Variants in FRMD4B observed in about 807,000 individuals in gnomAD.
The protein encoded by FRMD4B is FERM domain containing 4B, also known as FERM domain-containing protein 4B.
In FRMD4B, 74 loss-of-function variants were observed where a neutral mutation model predicts 141.5. The ratio of observed to expected loss-of-function variants is 0.52; its 90% confidence interval spans 0.43 to 0.63. The LOEUF is 0.63. FRMD4B is among the 30% of genes least tolerant of loss of function. The pLI, the probability that FRMD4B is intolerant of heterozygous loss-of-function variation, is 0.00. For synonymous variants in FRMD4B, 506 were observed against 467.9 expected, an observed-to-expected ratio of 1.08 and a Z score of -1.05; for missense variants, 1,366 against 1,253.4, an observed-to-expected ratio of 1.09 and a Z score of -1.36.
intron 18 of FRMD4B, among the ~76,000 whole-genome samples, chr3:69,188,705 C>T (rs1159133221): frequency 1.4e-5 from 2 of 145,706 alleles, no homozygotes; most frequent in African/African-American, 5.1e-5. Context: ...TGCAGTGAGC[C>T]GAGATTGCGC....
intron 1 of FRMD4B, among the ~76,000 whole-genome samples, chr3:69,536,894 G>A (rs1195861821): frequency 6.6e-6 from 1 of 152,056 alleles, no homozygotes; most frequent in Non-Finnish European, 1.5e-5. Context: ...TTACAGGAAT[G>A]TGCCACCACA....
At chr3:69,464,540 A>G (rs1705752788) in intron 1 of FRMD4B, among the ~76,000 whole-genome samples, 1 of 152,224 alleles carries the variant, frequency 6.6e-6, no homozygotes, top group Non-Finnish European at 1.5e-5. Flanking sequence ...TGTGATACTC[A>G]GTATGCAATG....
At chr3:69,501,496 G>A (rs1029354257) in intron 1 of FRMD4B, among the ~76,000 whole-genome samples, 3 of 152,152 alleles carry the variant, frequency 2.0e-5, no homozygotes, top group Non-Finnish European at 4.4e-5. Context: ...TGCCTGACAT[G>A]AGGCAAGCAG....
chr3:69,205,814 G>T (rs2093019555), intron 11 of FRMD4B, among the ~76,000 whole-genome samples: 1 of 152,156 alleles, frequency 6.6e-6, no homozygotes, highest in African/African-American at 2.4e-5. Flanking sequence ...GGCTTTGGTA[G>T]GTGAAATGTG....
intron 7 of FRMD4B, among the ~76,000 whole-genome samples, chr3:69,236,273 G>C (rs2093345366): frequency 6.7e-6 from 1 of 150,280 alleles, no homozygotes; most frequent in African/African-American, 2.5e-5. Flanking sequence ...CTGTTGCCCA[G>C]GCTGGAGTGC....
At chr3:69,299,438 G>C (rs1701139157) in intron 4 of FRMD4B, among the ~76,000 whole-genome samples, 1 of 152,102 alleles carries the variant, frequency 6.6e-6, no homozygotes, top group Non-Finnish European at 1.5e-5. Context: ...TTAAAGTAAT[G>C]ATTTATGAGA....
intron 1 of FRMD4B, among the ~76,000 whole-genome samples, chr3:69,531,310 C>T (rs1329425300): frequency 6.6e-6 from 1 of 151,982 alleles, no homozygotes; most frequent in Admixed American, 6.6e-5. Context: ...CTGTCAATAA[C>T]AGGATTACGG....
intron 1 of FRMD4B, among the ~76,000 whole-genome samples, chr3:69,350,361 T>C (rs1188520743): frequency 1.3e-5 from 2 of 152,112 alleles, no homozygotes; most frequent in African/African-American, 4.8e-5. Context: ...TAGGAACACT[T>C]TGACACTGTT....
intron 7 of FRMD4B, chr3:69,228,594 G>T (rs1186577473): frequency 1.7e-5 from 7 of 414,794 alleles, no homozygotes; most frequent in Non-Finnish European, 3.4e-5. Flanking sequence ...CAACACTTTG[G>T]GAGACTGAGC....
intron 1 of FRMD4B, among the ~76,000 whole-genome samples, chr3:69,451,703 T>C (rs185073847): frequency 6.6e-6 from 1 of 152,294 alleles, no homozygotes; most frequent in East Asian, 1.9e-4. Context: ...TTACTTCTTA[T>C]AACCACTAGG....
At chr3:69,491,212 G>C (rs1280460369) in intron 1 of FRMD4B, among the ~76,000 whole-genome samples, 6 of 152,180 alleles carry the variant, frequency 3.9e-5, no homozygotes, top group African/African-American at 1.4e-4. Context: ...AAGCCATGCA[G>C]CGATTACTCA....
intron 1 of FRMD4B, among the ~76,000 whole-genome samples, chr3:69,369,262 T>C (rs1288582638): frequency 6.6e-6 from 1 of 152,204 alleles, no homozygotes; most frequent in African/African-American, 2.4e-5. Flanking sequence ...TGTACATTTT[T>C]CATATGTCAT....
At chr3:69,245,580 C>T (rs533114311) in intron 7 of FRMD4B, among the ~76,000 whole-genome samples, 3 of 152,058 alleles carry the variant, frequency 2.0e-5, no homozygotes, top group Non-Finnish European at 2.9e-5. Context: ...CTCCTGGCCT[C>T]GAGTGATCCG....
chr3:69,435,254 A>C (rs1040965565), intron 1 of FRMD4B, among the ~76,000 whole-genome samples: 5 of 152,180 alleles, frequency 3.3e-5, no homozygotes, highest in Non-Finnish European at 7.4e-5. Context: ...ACACCTGAAA[A>C]GTAACAACCT....
At chr3:69,488,010 C>T (rs760808072) in intron 1 of FRMD4B, among the ~76,000 whole-genome samples, 9 of 142,428 alleles carry the variant, frequency 6.3e-5, no homozygotes, top group Middle Eastern at 3.6e-3. Context: ...AACCAGATTA[C>T]GTTTTAAGAG....
intron 1 of FRMD4B, among the ~76,000 whole-genome samples, chr3:69,345,216 T>G (rs1306296240): frequency 6.6e-6 from 1 of 152,228 alleles, no homozygotes; most frequent in Non-Finnish European, 1.5e-5. Context: ...GAGGGTCCCA[T>G]GCCCACGGAG....
intron 1 of FRMD4B, among the ~76,000 whole-genome samples, chr3:69,446,179 C>T (rs960324251): frequency 2.0e-5 from 3 of 151,796 alleles, no homozygotes; most frequent in African/African-American, 7.3e-5. Flanking sequence ...AGGCATGTAC[C>T]ACCATGCCTG....
At chr3:69,447,511 A>G (rs552637040) in intron 1 of FRMD4B, among the ~76,000 whole-genome samples, 5 of 152,344 alleles carry the variant, frequency 3.3e-5, no homozygotes, top group African/African-American at 1.2e-4. Flanking sequence ...ACAAATATAT[A>G]CACTCTTTAC....
At position 69,380,882 on chromosome 3, in the gene FRMD4B, CT is replaced by C. The variant is rs577657071; in HGVS notation, c.162+4945del. 9.6e-4 allele frequency among the ~76,000 whole-genome samples: 146 copies of C among 152,320 alleles called. 1 individual carries two copies. The highest frequency in any genetic ancestry group is 3.4e-3 in the African/African-American group (140 of 41,560). On this transcript the variant is annotated intron_variant, in intron 1 of 22. Coordinates refer to ENST00000398540, the MANE Select transcript of FRMD4B (RefSeq NM_015123.3). ...GAGGGTTTTGTTAGAACATGTCACA[CT>C]TAATAAAAAGCAAAGGGTGTTGATT... is the stretch of plus-strand genomic sequence containing the variant.
Sources: gnomAD v4.1 joint callset for allele counts (sites outside exome capture counted in the v4.1 genomes callset) on GRCh38, gnomAD v4.1.1 for gene constraint, MANE v1.5 for transcripts, NCBI Gene and HGNC (gene_info 2026-07-23, HGNC 2026-07-21) for gene names.